The following ARSB variants were observed in gnomAD, a reference collection of about 807,000 sequenced individuals.
ARSB encodes arylsulfatase B.
A neutral mutation model predicts 50.9 loss-of-function variants in ARSB; 41 were observed. That is an observed-to-expected ratio of 0.81 (90% CI 0.63 to 1.04). The LOEUF is 1.04. Ranked by LOEUF, ARSB falls within the 50% of genes least tolerant of loss-of-function variation. ARSB has a pLI of 0.00. For synonymous variants in ARSB, 269 were observed against 284.8 expected (o/e 0.94, Z 0.56); for missense variants, 672 against 693.3 (o/e 0.97, Z 0.35).
chr5:78,962,623 G>T (rs1182301680), intron 3 of ARSB, among the ~76,000 whole-genome samples: 1 of 148,446 alleles, frequency 6.7e-6, no homozygotes, highest in African/African-American at 2.5e-5. Flanking sequence ...CGCCTCCCGG[G>T]TTCACGCCAT....
chr5:78,907,946 T>A (rs530500190), intron 4 of ARSB, among the ~76,000 whole-genome samples: 8 of 152,152 alleles, frequency 5.3e-5, no homozygotes, highest in African/African-American at 1.9e-4. Context: ...TACAGAAGGA[T>A]AATTAAAAGC....
intron 4 of ARSB, among the ~76,000 whole-genome samples, chr5:78,944,317 G>C (rs987334896): frequency 1.3e-4 from 20 of 152,188 alleles, no homozygotes; most frequent in Non-Finnish European, 2.1e-4. Context: ...TCCGTTGCTG[G>C]TGAGGAGCTG....
intron 3 of ARSB, 92 bp downstream of exon 3, chr5:78,964,324 T>C: frequency 2.4e-6 from 3 of 1,257,850 alleles, no homozygotes; most frequent in Non-Finnish European, 1.2e-6. Flanking sequence ...TATTAGATTT[T>C]TCCCTAAACA....
chr5:78,781,323 CTT>C (rs376851173), intron 7 of ARSB, among the ~76,000 whole-genome samples: 5 of 75,348 alleles, frequency 6.6e-5, no homozygotes, highest in Admixed American at 2.0e-4. Context: ...CTCTCTCTCT[CTT>C]TTTTTTTTTT....
At chr5:78,841,184 T>TAATAATAA (rs1554074368) in intron 5 of ARSB, among the ~76,000 whole-genome samples, 2 of 150,692 alleles carry the variant, frequency 1.3e-5, no homozygotes, top group African/African-American at 2.4e-5. Context: ...ATAATAATAA[T>TAATAATAA]TTGAGCATGG....
At chr5:78,937,507 C>T (rs1207287872) in intron 4 of ARSB, among the ~76,000 whole-genome samples, 1 of 148,572 alleles carries the variant, frequency 6.7e-6, no homozygotes, top group Non-Finnish European at 1.5e-5. Context: ...GGCCACAGTG[C>T]TCTCTTCTCA....
chr5:78,889,564 C>A (rs990803205), intron 4 of ARSB, among the ~76,000 whole-genome samples: 1 of 152,058 alleles, frequency 6.6e-6, no homozygotes, highest in African/African-American at 2.4e-5. Flanking sequence ...CCTTTACTGT[C>A]TAGAAAAGAA....
chr5:78,863,339 G>A (rs1196489220), intron 5 of ARSB, among the ~76,000 whole-genome samples: 5 of 151,786 alleles, frequency 3.3e-5, no homozygotes, highest in South Asian at 2.1e-4. Flanking sequence ...TCACAATAGC[G>A]AAGACTTGGA....
chr5:78,900,921 G>A (rs553021200), intron 4 of ARSB, among the ~76,000 whole-genome samples: 3 of 151,894 alleles, frequency 2.0e-5, no homozygotes, highest in Non-Finnish European at 2.9e-5. Context: ...CGCCTGTAGT[G>A]CCAGCTACTT....
At chr5:78,797,401 T>TAACCCA (rs1743226023) in intron 6 of ARSB, among the ~76,000 whole-genome samples, 3 of 152,276 alleles carry the variant, frequency 2.0e-5, no homozygotes, top group Non-Finnish European at 4.4e-5. Flanking sequence ...TAACCCAGAC[T>TAACCCA]GTTGTTTTGT....
chr5:78,909,855 T>C (rs1470819272), intron 4 of ARSB, among the ~76,000 whole-genome samples: 1 of 152,148 alleles, frequency 6.6e-6, no homozygotes, highest in Non-Finnish European at 1.5e-5. Flanking sequence ...GGAAGGCCAC[T>C]GTCTCCTGCC....
At chr5:78,785,821 T>A (rs1471907848) in intron 6 of ARSB, among the ~76,000 whole-genome samples, 2 of 152,174 alleles carry the variant, frequency 1.3e-5, no homozygotes, top group African/African-American at 4.8e-5. Flanking sequence ...CTCAGATTTA[T>A]CTGGATGGGC....
Position 78,779,422 on chromosome 5 carries a change from G to T in ARSB, c.*975C>A, listed in dbSNP as rs1350288659. 1 of 152,138 alleles carries T rather than the reference G, an allele frequency of 6.6e-6. No homozygotes were observed. The highest frequency in any genetic ancestry group is 2.4e-5 in the African/African-American group (1 of 41,424). The allele number at this position is 152,138 out of a possible 1,614,324, so 9.4% of individuals were successfully genotyped here. A position where few individuals can be genotyped will look rare whatever the true frequency, so the allele number is the denominator to read the frequency against. On this transcript the variant is annotated 3_prime_UTR_variant, in exon 8 of 8. Transcript: ENST00000264914. ...AGCAGTGCAAGTCTTAATATATTAT[G>T]AAATAAAGCTACAATCACAATGACT...
At chr5:78,970,989 C>T (rs1467704445) in intron 1 of ARSB, among the ~76,000 whole-genome samples, 1 of 152,024 alleles carries the variant, frequency 6.6e-6, no homozygotes, top group Non-Finnish European at 1.5e-5. Flanking sequence ...AAGAAAGAAA[C>T]CTTTTCTGAA....
intron 5 of ARSB, among the ~76,000 whole-genome samples, chr5:78,869,684 A>G (rs1382573931): frequency 6.6e-6 from 1 of 151,090 alleles, no homozygotes; most frequent in South Asian, 2.1e-4. Flanking sequence ...GGAAATTTAT[A>G]GCACTAAATG....
chr5:78,875,599 T>G (rs1246421640), intron 5 of ARSB, among the ~76,000 whole-genome samples: 1 of 152,006 alleles, frequency 6.6e-6, no homozygotes, highest in Non-Finnish European at 1.5e-5. Context: ...GCCAACATTG[T>G]TGGTAAGTAT....
intron 4 of ARSB, among the ~76,000 whole-genome samples, chr5:78,913,750 G>T (rs1396002331): frequency 6.6e-6 from 1 of 151,984 alleles, no homozygotes; most frequent in East Asian, 1.9e-4. Context: ...AAGTATAAAG[G>T]TACCCAAGAT....
At chr5:78,867,947 C>A (rs1746883865) in intron 5 of ARSB, among the ~76,000 whole-genome samples, 1 of 109,040 alleles carries the variant, frequency 9.2e-6, no homozygotes, top group African/African-American at 3.6e-5. Flanking sequence ...CTAGAATAAC[C>A]AATACAGAGA....
chr5:78,922,034 A>AG (rs954039709), intron 4 of ARSB, among the ~76,000 whole-genome samples: 1 of 152,118 alleles, frequency 6.6e-6, no homozygotes, highest in African/African-American at 2.4e-5. Context: ...CCCTGGCCAG[A>AG]GGGGATCAAC....
Sources: gnomAD v4.1 joint callset for allele counts (sites outside exome capture counted in the v4.1 genomes callset) on GRCh38, gnomAD v4.1.1 for gene constraint, MANE v1.5 for transcripts, NCBI Gene and HGNC (gene_info 2026-07-23, HGNC 2026-07-21) for gene names.